The following CTNNA3 variants were observed in gnomAD, a reference collection of about 807,000 sequenced individuals.
CTNNA3 encodes catenin alpha-3.
In CTNNA3, 76 loss-of-function variants were observed where a neutral mutation model predicts 95.7. The ratio of observed to expected loss-of-function variants is 0.79; its 90% CI spans 0.66 to 0.96. The LOEUF (loss-of-function observed/expected upper bound fraction) is 0.96, where lower values mean the gene tolerates loss of function less well. CTNNA3 is among the 40% of genes least tolerant of loss of function. The pLI, the probability that CTNNA3 is intolerant of heterozygous loss-of-function variation, is 0.00. For missense variants in CTNNA3, 1,191 were observed against 1,089.8 expected, an observed-to-expected ratio of 1.09 and a Z score of -1.31; for synonymous variants, 431 against 374.4, an observed-to-expected ratio of 1.15 and a Z score of -1.74.
chr10:66,098,865 T>C (rs916881339), intron 14 of CTNNA3: 9 of 152,202 alleles, frequency 5.9e-5, no homozygotes, highest in Non-Finnish European at 1.3e-4. Flanking sequence ...TTTCCACTGC[T>C]ATTTCCATTG....
At chr10:67,195,131 A>T (rs1378305906) in intron 6 of CTNNA3, among the ~76,000 whole-genome samples, 1 of 152,032 alleles carries the variant, frequency 6.6e-6, no homozygotes, top group African/African-American at 2.4e-5. Flanking sequence ...GTCCATTTAA[A>T]GGGGCTCCTA....
chr10:66,129,982 C>T (rs2083010207), intron 13 of CTNNA3, among the ~76,000 whole-genome samples: 1 of 152,140 alleles, frequency 6.6e-6, no homozygotes, highest in Non-Finnish European at 1.5e-5. Flanking sequence ...CCCACCACAC[C>T]ACCATTGTCC....
intron 7 of CTNNA3, among the ~76,000 whole-genome samples, chr10:67,066,483 A>G (rs1589688089): frequency 6.8e-6 from 1 of 146,284 alleles, no homozygotes; most frequent in Non-Finnish European, 1.5e-5. Context: ...GAACCACCGC[A>G]CCTGGCCAAG....
chr10:66,018,394 A>C (rs1011703722), intron 15 of CTNNA3, among the ~76,000 whole-genome samples: 4 of 152,138 alleles, frequency 2.6e-5, no homozygotes, highest in Non-Finnish European at 1.5e-5. Flanking sequence ...ACATACAAAC[A>C]ATGTGAAAGC....
At chr10:66,481,541 G>A (rs1394499955) in intron 11 of CTNNA3, among the ~76,000 whole-genome samples, 13 of 127,554 alleles carry the variant, frequency 1.0e-4, no homozygotes, top group African/African-American at 9.4e-5. Flanking sequence ...GCACGATCTC[G>A]GCTCACTGCA....
chr10:66,030,501 C>G (rs2079429604), intron 15 of CTNNA3, among the ~76,000 whole-genome samples: 1 of 152,120 alleles, frequency 6.6e-6, no homozygotes, highest in Admixed American at 6.5e-5. Flanking sequence ...AACTGTCTAT[C>G]CGTATACAGA....
intron 13 of CTNNA3, among the ~76,000 whole-genome samples, chr10:66,248,054 C>T (rs542279221): frequency 2.0e-5 from 3 of 152,006 alleles, no homozygotes; most frequent in Non-Finnish European, 4.4e-5. Flanking sequence ...TACATCTTTT[C>T]AAGACATAGT....
chr10:67,614,451 T>C (rs1168070531), intron 2 of CTNNA3, among the ~76,000 whole-genome samples: 1 of 152,146 alleles, frequency 6.6e-6, no homozygotes, highest in Non-Finnish European at 1.5e-5. Context: ...AACTAGACGG[T>C]CCCATCTGGG....
At chr10:65,994,330 T>C (rs1310443800) in intron 15 of CTNNA3, among the ~76,000 whole-genome samples, 1 of 152,172 alleles carries the variant, frequency 6.6e-6, no homozygotes, top group Non-Finnish European at 1.5e-5. Context: ...CAAAGGAAAG[T>C]AATAAATTTC....
chr10:67,605,487 A>G (rs1252388762), intron 3 of CTNNA3, among the ~76,000 whole-genome samples: 2 of 152,154 alleles, frequency 1.3e-5, no homozygotes, highest in African/African-American at 4.8e-5. Context: ...TGTATTCAGG[A>G]TTTTTACTAA....
intron 7 of CTNNA3, among the ~76,000 whole-genome samples, chr10:66,913,238 CAAA>C (rs1161880781): frequency 0.044 from 1,463 of 33,206 alleles, 11 homozygotes; most frequent in African/African-American, 0.18. Context: ...GACTCCGTCT[CAAA>C]AAAAAAAAAA....
intron 15 of CTNNA3, among the ~76,000 whole-genome samples, chr10:66,064,617 T>C (rs2080276082): frequency 6.6e-6 from 1 of 152,176 alleles, no homozygotes; most frequent in African/African-American, 2.4e-5. Context: ...ATATCTCTGG[T>C]TCCCCTTTTA....
chr10:65,945,950 A>T (rs2077510300), intron 17 of CTNNA3, among the ~76,000 whole-genome samples: 1 of 152,178 alleles, frequency 6.6e-6, no homozygotes, highest in Non-Finnish European at 1.5e-5. Context: ...AGGGAAAGAT[A>T]GGAACCCTGG....
intron 5 of CTNNA3, among the ~76,000 whole-genome samples, chr10:67,514,390 T>C (rs1241007542): frequency 6.6e-6 from 1 of 152,224 alleles, no homozygotes; most frequent in African/African-American, 2.4e-5. Context: ...TAGCATAGCC[T>C]CTGTAATTTG....
intron 17 of CTNNA3, among the ~76,000 whole-genome samples, chr10:65,952,892 C>T (rs1026238574): frequency 1.3e-5 from 2 of 152,154 alleles, no homozygotes; most frequent in Admixed American, 6.5e-5. Context: ...CTTTGGCACA[C>T]CTGCCTCAGG....
At chr10:67,648,798 T>C (rs1839795197) in intron 1 of CTNNA3, 2 of 1,289,298 alleles carry the variant, frequency 1.6e-6, no homozygotes, top group Non-Finnish European at 2.0e-6. Context: ...AAACATGGTC[T>C]CTTTTCTCAG....
chr10:67,389,375 T>C (rs1376214296), intron 5 of CTNNA3, among the ~76,000 whole-genome samples: 6 of 149,974 alleles, frequency 4.0e-5, no homozygotes, highest in South Asian at 2.1e-4. Context: ...CCTAAATATA[T>C]ATGCACCCAA....
chr10:66,503,154 A>G (rs1190774941), intron 11 of CTNNA3, among the ~76,000 whole-genome samples: 3 of 152,160 alleles, frequency 2.0e-5, no homozygotes. Flanking sequence ...AGGCCACTCA[A>G]TATGTCCTAG....
At chr10:66,460,550 C>T (rs1335702561) in intron 11 of CTNNA3, among the ~76,000 whole-genome samples, 3 of 152,072 alleles carry the variant, frequency 2.0e-5, no homozygotes, top group Admixed American at 2.0e-4. Flanking sequence ...CCTACCCCTC[C>T]TAACTTTCTA....
Sources: allele counts gnomAD v4.1 joint callset (sites outside exome capture counted in the v4.1 genomes callset), GRCh38; gene constraint gnomAD v4.1.1; transcripts MANE v1.5; gene names NCBI Gene and HGNC (gene_info 2026-07-23, HGNC 2026-07-21).